Variants in PRDM15 observed in about 807,000 individuals in gnomAD.
PRDM15 encodes the protein PR/SET domain 15, also known as PR domain zinc finger protein 15.
A neutral mutation model predicts 128.6 loss-of-function variants in PRDM15; 64 were observed. The observed-to-expected ratio is 0.50, with a 90% CI of 0.41 to 0.61. PRDM15 has a LOEUF of 0.61. Ranked by LOEUF, PRDM15 falls within the 20% of genes least tolerant of loss-of-function variation. The pLI, the probability that PRDM15 is intolerant of heterozygous loss-of-function variation, is 0.00. For missense variants in PRDM15, 1,242 were observed against 1,569.1 expected, an observed-to-expected ratio of 0.79 and a Z score of 3.52; for synonymous variants, 615 against 621.8, an observed-to-expected ratio of 0.99 and a Z score of 0.16.
Position 41,859,398 on chromosome 21 carries a change from T to A in PRDM15, c.131+194A>T, listed in dbSNP as rs1490077008. Among the ~76,000 whole-genome samples the A allele has an allele frequency of 6.6e-6, 1 of 152,218 alleles. No individual in the cohort carries two copies. Among genetic ancestry groups the A allele is most frequent in the Non-Finnish European group, 1.5e-5 (1 of 68,032 alleles). On this transcript the variant is annotated intron_variant, in intron 3 of 23. Transcript: ENST00000398548. This position sits in a 1 kb window ranked among gnomAD's most constrained non-coding sequence, Gnocchi z 5.3. ...GGATCAAAGAAACTCACTCTGGAGC[T>A]TTGAAGCACGTGTTTTGGTGTGTCC... is the stretch of plus-strand genomic sequence containing the variant.
At chr21:41,818,438 G>A (rs894686904) in intron 18 of PRDM15, among the ~76,000 whole-genome samples, 29 of 143,780 alleles carry the variant, frequency 2.0e-4, no homozygotes, top group Non-Finnish European at 4.4e-4. Flanking sequence ...ATATGTCTTG[G>A]CGAGGTGCAT....
chr21:41,836,066 G>C lies in PRDM15; in HGVS notation c.1278+47C>G, dbSNP rs369617951. 2.3e-6 allele frequency: 3 copies of C among 1,329,774 alleles called. No individual in the cohort carries two copies. In the African/African-American group the frequency reaches 4.6e-5, roughly 21 times the overall value. 82.4% of individuals were successfully genotyped at this position (1,329,774 alleles called of 1,614,324 possible). A position where few individuals can be genotyped will look rare whatever the true frequency, so the allele number is the denominator to read the frequency against. On this transcript the variant is annotated intron_variant, in intron 10 of 23. Transcript: ENST00000398548. ...CATGGTGATTTGGTCAGTTGTCTGT[G>C]TTGTCCACACAACTGGGAAGAGAAC...
At position 41,801,085 on chromosome 21, in the gene PRDM15, G is replaced by T; in HGVS notation, c.*155C>A. The T allele has an allele frequency of 9.1e-7, 1 of 1,100,610 alleles. No individual in the cohort carries two copies. Among genetic ancestry groups the T allele is most frequent in the Non-Finnish European group, 1.3e-6 (1 of 784,272 alleles). 68.2% of individuals were successfully genotyped at this position (1,100,610 alleles called of 1,614,324 possible). ...TAGAGTTAAGCTGACAGACCGTAAT[G>T]GTTGCTGGCGGGGGATCTGGAGATA... On this transcript the variant is annotated 3_prime_UTR_variant, in exon 24 of 24. Coordinates refer to ENST00000398548, the MANE Select transcript of PRDM15 (RefSeq NM_001040424.3).
chr21:41,810,408 C>A lies in PRDM15; in HGVS notation c.2477-79G>T. The A allele has an allele frequency of 2.0e-6, 3 of 1,492,100 alleles. No individual in the cohort carries two copies. The highest frequency in any genetic ancestry group is 1.3e-5 in the South Asian group (1 of 78,172). The allele number at this position is 1,492,100 out of a possible 1,614,324, so 92.4% of individuals were successfully genotyped here. On this transcript the variant is annotated intron_variant, in intron 20 of 23. Transcript: ENST00000398548. This position sits in a 1 kb window ranked among gnomAD's most constrained non-coding sequence, Gnocchi z 6.4. ...TCACTAGTGCAGCCATCCCAATGAC[C>A]CTGGCCTGCTGGACGAGGCAAGAAG...
At chr21:41,874,521 A>AAT (rs1555894622) in intron 1 of PRDM15, among the ~76,000 whole-genome samples, 21 of 47,934 alleles carry the variant, frequency 4.4e-4, no homozygotes, top group African/African-American at 1.1e-3. Context: ...ATATATATAT[A>AAT]TATATTTTTT....
intron 12 of PRDM15, among the ~76,000 whole-genome samples, chr21:41,827,248 A>G (rs961933435): frequency 9.2e-5 from 14 of 152,238 alleles, no homozygotes; most frequent in Non-Finnish European, 2.1e-4. Flanking sequence ...TTGAGCAAAA[A>G]AGGAAAGTGC....
intron 22 of PRDM15, among the ~76,000 whole-genome samples, chr21:41,804,179 G>T (rs2061494456): frequency 6.6e-6 from 1 of 152,158 alleles, no homozygotes; most frequent in African/African-American, 2.4e-5. Flanking sequence ...GGCCAGGCTG[G>T]TCTTGAACTC....
chr21:41,826,845 A>G (rs2062488788), intron 12 of PRDM15, among the ~76,000 whole-genome samples: 1 of 152,228 alleles, frequency 6.6e-6, no homozygotes, highest in African/African-American at 2.4e-5. Flanking sequence ...CAAACCCATA[A>G]AACAGTCACA....
intron 3 of PRDM15, chr21:41,858,968 G>T: frequency 1.6e-6 from 2 of 1,288,656 alleles, no homozygotes; most frequent in Non-Finnish European, 1.1e-6. Flanking sequence ...ACCACCCCAC[G>T]GGAACTGCCA....
intron 1 of PRDM15, among the ~76,000 whole-genome samples, chr21:41,866,309 T>C (rs2064005869): frequency 6.6e-6 from 1 of 152,272 alleles, no homozygotes; most frequent in East Asian, 1.9e-4. Context: ...ACATGTTCCA[T>C]ATAAAAAGGG....
chr21:41,863,776 A>G (rs998596730), intron 1 of PRDM15, among the ~76,000 whole-genome samples: 3 of 152,196 alleles, frequency 2.0e-5, no homozygotes, highest in African/African-American at 7.2e-5. Context: ...GATACCGGTG[A>G]GAAGGTGGAC....
At position 41,801,450 on chromosome 21, in the gene PRDM15, T is replaced by C. The variant is rs1405846035; in HGVS notation, c.3216A>G (p.Pro1072=). 1 of 1,614,086 alleles carries C rather than the reference T, an allele frequency of 6.2e-7. No individual in the cohort carries two copies. Among genetic ancestry groups the C allele is most frequent in the Non-Finnish European group, 8.5e-7 (1 of 1,180,006 alleles). Residue 1072 remains proline (P), a synonymous_variant, in exon 24 of 24, where the codon CCA becomes CCG. Coordinates refer to ENST00000398548, the MANE Select transcript of PRDM15 (RefSeq NM_001040424.3). The part of the protein sequence containing the change: ...QIHPQPEASN[P]QSVAHFINLT... ...GGTTGATGAAATGGGCCACAGACTG[T>C]GGGTTCGAGGCTTCCGGCTGGGGGT...
chr21:41,845,969 T>C (rs1489619656), intron 6 of PRDM15, among the ~76,000 whole-genome samples: 1 of 152,090 alleles, frequency 6.6e-6, no homozygotes, highest in Non-Finnish European at 1.5e-5. Flanking sequence ...CCAGCTGCCC[T>C]GCTCTGCTAT....
chr21:41,863,428 T>G (rs2063891740), intron 1 of PRDM15: 1 of 152,228 alleles, frequency 6.6e-6, no homozygotes. Flanking sequence ...TGAGAACCAC[T>G]GCTCTGCCTG....
rs531966675 is a variant in PRDM15, at chr21:41,802,352, G to A, written c.2943+360C>T. On this transcript the variant is annotated intron_variant, in intron 23 of 23. Transcript: ENST00000398548. ...CCAGACTGAGGGATCCTTGCTCTCCGGCTAGTCAGCAAATGCACAGGGCTG... is the reference window on the plus strand; with the variant it reads ...CCAGACTGAGGGATCCTTGCTCTCCAGCTAGTCAGCAAATGCACAGGGCTG... Among the ~76,000 whole-genome samples, 34 of 152,276 alleles carry A rather than the reference G, an allele frequency of 2.2e-4. No homozygotes were observed. The East Asian group carries it at 2.9e-3, about 13-fold the overall frequency.
intron 5 of PRDM15, among the ~76,000 whole-genome samples, chr21:41,848,735 C>T (rs1035039546): frequency 3.3e-5 from 5 of 152,206 alleles, no homozygotes; most frequent in East Asian, 3.8e-4. Flanking sequence ...CACACCCCCA[C>T]AAGTGTGGGT....
chr21:41,835,723 G>C (rs2062851648), intron 10 of PRDM15, among the ~76,000 whole-genome samples, 199 bp from the exon 11 acceptor site: 3 of 152,148 alleles, frequency 2.0e-5, no homozygotes, highest in Admixed American at 2.0e-4. Flanking sequence ...TCCACACTCA[G>C]GGAGCCCCAC....
At chr21:41,878,894 AGCCCCGCG>A in intron 1 of PRDM15, 2 of 951,574 alleles carry the variant, frequency 2.1e-6, no homozygotes. Flanking sequence ...GCGGCCCGGC[AGCCCCGCG>A]GCCCCGCGCT....
Position 41,839,664 on chromosome 21 carries a change from GCTTTGGACA to G in PRDM15, c.821_829del (p.Val274_Lys276del). The G allele has an allele frequency of 6.2e-7, 1 of 1,614,224 alleles. No individual in the cohort carries two copies. Among genetic ancestry groups the G allele is most frequent in the Non-Finnish European group, 8.5e-7 (1 of 1,180,036 alleles). On this transcript the variant is annotated inframe_deletion, in exon 7 of 24. Coordinates refer to ENST00000398548, the MANE Select transcript of PRDM15 (RefSeq NM_001040424.3). ...TTCCACGATGACTAGAGGCTGCTCA[GCTTTGGACA>G]CTTTGGGTTTTCTCCCCCTTCGAGG...
Sources: allele counts gnomAD v4.1 joint callset (sites outside exome capture counted in the v4.1 genomes callset), GRCh38; gene constraint gnomAD v4.1.1; non-coding constraint Gnocchi (gnomAD v3.1); transcripts MANE v1.5; gene names NCBI Gene and HGNC (gene_info 2026-07-23, HGNC 2026-07-21).